Variants in ZNF208 observed in about 807,000 individuals in gnomAD.
The protein encoded by ZNF208 is zinc finger protein 95.
ZNF208 carries 10 observed loss-of-function variants against 12.1 expected under a neutral mutation model. The observed-to-expected ratio is 0.83, with a 90% confidence interval of 0.51 to 1.40. The LOEUF (loss-of-function observed/expected upper bound fraction) is 1.40. Among genes scored for constraint, ZNF208 ranks in the 40% most tolerant of loss-of-function variants. The pLI, the probability that ZNF208 is intolerant of heterozygous loss-of-function variation, is 0.00. For synonymous variants in ZNF208, 497 were observed against 488.4 expected (o/e 1.02, Z -0.23); for missense variants, 1,652 against 1,485.0 (o/e 1.11, Z -1.85).
At chr19:22,003,115 ATGG>A (rs768672735) in intron 1 of ZNF208, among the ~76,000 whole-genome samples, 6 of 152,204 alleles carry the variant, frequency 3.9e-5, no homozygotes. Flanking sequence ...TATTTAATAA[ATGG>A]TGCTAGAATA....
chr19:22,000,898 G>A (rs1039110521), intron 1 of ZNF208, among the ~76,000 whole-genome samples: 2 of 152,130 alleles, frequency 1.3e-5, no homozygotes. Flanking sequence ...ACTGAAGTCT[G>A]CTATGCATAT....
At chr19:21,944,434 A>C (rs1011569039) in intron 4 of ZNF208, among the ~76,000 whole-genome samples, 1 of 152,200 alleles carries the variant, frequency 6.6e-6, no homozygotes, top group Non-Finnish European at 1.5e-5. Flanking sequence ...TCAAATTCTT[A>C]TTTTGGCATT....
rs1262260421 is a variant in ZNF208 at position 21,969,195 on chromosome 19, G to A, written c.*1996C>T. 6.6e-6 allele frequency among the ~76,000 whole-genome samples: 1 copy of A among 151,942 alleles called. No individual in the cohort carries two copies. Among genetic ancestry groups the A allele is most frequent in the African/African-American group, 2.4e-5 (1 of 41,376 alleles). ...CTTTTTAGTTCCACTATGTTGGCAA[G>A]GCTGGTCTTGAACTCCTGACCTCAG... On this transcript the variant is annotated 3_prime_UTR_variant, in exon 4 of 4. Coordinates refer to ENST00000397126, the MANE Select transcript of ZNF208 (RefSeq NM_007153.3).
intron 4 of ZNF208, among the ~76,000 whole-genome samples, chr19:21,943,272 T>C (rs1969770157): frequency 6.6e-6 from 1 of 152,204 alleles, no homozygotes; most frequent in Non-Finnish European, 1.5e-5. Flanking sequence ...AAGCTTTCTG[T>C]AGATTAACAT....
Position 21,971,075 on chromosome 19 carries a change from C to T in ZNF208, c.*116G>A. The stretch of plus-strand genomic sequence containing the variant: ...CTTATGTTCCATAAGGTTTGAGGAC[C>T]AGTTGAAAGCCTCACCACATTCTTC... On this transcript the variant is annotated 3_prime_UTR_variant, in exon 4 of 4. Coordinates refer to ENST00000397126, the MANE Select transcript of ZNF208 (RefSeq NM_007153.3). The T allele has an allele frequency of 1.2e-6, 2 of 1,612,166 alleles. No homozygotes were observed. Among genetic ancestry groups the T allele is most frequent in the Non-Finnish European group, 1.7e-6 (2 of 1,179,062 alleles).
chr19:21,975,206 A>G (rs567391208), intron 3 of ZNF208, among the ~76,000 whole-genome samples: 1 of 152,254 alleles, frequency 6.6e-6, no homozygotes, highest in East Asian at 1.9e-4. Flanking sequence ...AAATATTGGC[A>G]CAAAAAATTT....
chr19:21,954,301 C>G (rs1254645306), intron 4 of ZNF208, among the ~76,000 whole-genome samples: 5 of 152,078 alleles, frequency 3.3e-5, no homozygotes, highest in Admixed American at 2.6e-4. Context: ...TGAGAAGAAT[C>G]TATATTCTCT....
At chr19:21,953,517 A>C (rs1346801686) in intron 4 of ZNF208, among the ~76,000 whole-genome samples, 5 of 152,216 alleles carry the variant, frequency 3.3e-5, no homozygotes, top group Non-Finnish European at 7.3e-5. Context: ...CAACATTCTG[A>C]AAGGAAAGAA....
Position 21,953,252 on chromosome 19 carries a change from G to T in ZNF208, c.306-20015C>A, listed in dbSNP as rs145820627. On this transcript the variant is annotated intron_variant, in intron 4 of 4. Transcript: ENST00000599916. ...TAGGAAGATGCTCTTCAGGATATTA[G>T]CCAGGAGAACTTCCCCAACCTAGCA... 7.7e-3 allele frequency among the ~76,000 whole-genome samples: 1,171 copies of T among 152,220 alleles called. 9 individuals carry two copies. Among genetic ancestry groups the T allele is most frequent in the African/African-American group, 0.026 (1,097 of 41,528 alleles).
chr19:21,960,204 T>G (rs1970041220), intron 4 of ZNF208, among the ~76,000 whole-genome samples: 1 of 152,148 alleles, frequency 6.6e-6, no homozygotes, highest in Non-Finnish European at 1.5e-5. Flanking sequence ...AATGTTGATT[T>G]TTATTGCTAT....
At chr19:21,988,361 T>A (rs1970662140) in intron 2 of ZNF208, among the ~76,000 whole-genome samples, 1 of 152,176 alleles carries the variant, frequency 6.6e-6, no homozygotes, top group Non-Finnish European at 1.5e-5. Flanking sequence ...GGAGGCTATA[T>A]GATAAACAGC....
At chr19:21,950,599 T>C (rs1182705521) in intron 4 of ZNF208, among the ~76,000 whole-genome samples, 1 of 151,626 alleles carries the variant, frequency 6.6e-6, no homozygotes, top group Non-Finnish European at 1.5e-5. Context: ...GTTCAAGCAA[T>C]TCTCCTGCCT....
At chr19:22,000,925 G>A (rs542433801) in intron 1 of ZNF208, among the ~76,000 whole-genome samples, 23 of 151,958 alleles carry the variant, frequency 1.5e-4, no homozygotes, top group African/African-American at 5.1e-4. Context: ...ACAAACAAAC[G>A]AAATCTAGAA....
At chr19:21,946,804 C>T (rs1378554044) in intron 4 of ZNF208, among the ~76,000 whole-genome samples, 4 of 152,060 alleles carry the variant, frequency 2.6e-5, no homozygotes, top group Non-Finnish European at 5.9e-5. Flanking sequence ...AAGGGCCTAC[C>T]CATTGTGTGG....
downstream of ZNF208, among the ~76,000 whole-genome samples, chr19:21,963,545 T>G (rs1970113121): frequency 6.6e-6 from 1 of 152,030 alleles, no homozygotes; most frequent in Non-Finnish European, 1.5e-5. Context: ...AAAAAGGTGC[T>G]GAGTGGAGGT....
chr19:21,982,200 A>T (rs1169751868), intron 3 of ZNF208, among the ~76,000 whole-genome samples: 1 of 151,914 alleles, frequency 6.6e-6, no homozygotes, highest in Non-Finnish European at 1.5e-5. Flanking sequence ...TACTAAAAAC[A>T]CAAAAAAATT....
At chr19:21,963,177 C>A (rs1970107033), downstream of ZNF208, among the ~76,000 whole-genome samples, 2 of 151,962 alleles carry the variant, frequency 1.3e-5, no homozygotes, top group South Asian at 4.1e-4. Flanking sequence ...ACTCCTGTGC[C>A]AAAAACTGTT....
chr19:21,973,094 A>G lies in ZNF208; in HGVS notation c.1940T>C (p.Ile647Thr). 6.3e-7 allele frequency: 1 copy of G among 1,576,444 alleles called. No homozygotes were observed. The highest frequency in any genetic ancestry group is 8.6e-7 in the Non-Finnish European group (1 of 1,162,200). ...ATGTGTAGTAAGGGTTGAGACCTTA[A>G]TAAAGGTTTTGCCACATTCTTTACA... is the stretch of plus-strand genomic sequence containing the variant. ...YKCKECGKTF[I>T]KVSTLTTHKA... Residue 647 changes from isoleucine to threonine, a missense_variant, in exon 4 of 4, where the codon ATT becomes ACT. Ile to Thr is a moderately conservative substitution (Grantham distance 89, BLOSUM62 -1). Transcript: ENST00000397126.
chr19:22,003,441 T>A (rs1970989733), intron 1 of ZNF208, among the ~76,000 whole-genome samples: 1 of 150,356 alleles, frequency 6.7e-6, no homozygotes, highest in Non-Finnish European at 1.5e-5. Context: ...CTGACAAAGG[T>A]CTACTATCTA....
Sources: allele counts gnomAD v4.1 joint callset (sites outside exome capture counted in the v4.1 genomes callset), GRCh38; gene constraint gnomAD v4.1.1; transcripts MANE v1.5; gene names NCBI Gene and HGNC (gene_info 2026-07-23, HGNC 2026-07-21).